Variants in MACROD1 observed in about 807,000 individuals in gnomAD.
MACROD1 encodes ADP-ribose glycohydrolase MACROD1.
A neutral mutation model predicts 41.4 loss-of-function variants in MACROD1; 31 were observed. The ratio of observed to expected loss-of-function variants is 0.75; its 90% confidence interval spans 0.56 to 1.01. The LOEUF is 1.01. Among genes scored for constraint, MACROD1 ranks in the 50% least tolerant of loss-of-function variants. The probability of loss-of-function intolerance (pLI) is 0.00; values close to 1 mark genes in which losing one functional copy is unlikely to be tolerated. For synonymous variants in MACROD1, 252 were observed against 203.4 expected (o/e 1.24, Z -2.03); for missense variants, 473 against 460.0 (o/e 1.03, Z -0.26).
chr11:64,016,406 G>A (rs767643288), intron 3 of MACROD1, among the ~76,000 whole-genome samples: 23 of 152,382 alleles, frequency 1.5e-4, no homozygotes, highest in South Asian at 6.2e-4. Flanking sequence ...CCCCTCTGCC[G>A]AGGAGTCCTG....
intron 3 of MACROD1, among the ~76,000 whole-genome samples, chr11:64,115,679 A>G (rs1228522374): frequency 6.6e-6 from 1 of 152,084 alleles, no homozygotes; most frequent in Non-Finnish European, 1.5e-5. Flanking sequence ...CCCCCTTTTG[A>G]GCTCCTGGGC....
In MACROD1 at chr11:64,067,418, A is replaced by G. The variant is rs945127209; in HGVS notation, c.518-52137T>C. ...ATTCAATACCTGAGCCTTTCAGCTC[A>G]CAAATCATGCCCCCGGCCCAGGTGA... On this transcript the variant is annotated intron_variant, in intron 3 of 10. Transcript: ENST00000255681. This position sits in a 1 kb window ranked among gnomAD's most constrained non-coding sequence, Gnocchi z 4.6. Among the ~76,000 whole-genome samples, 1 of 152,186 alleles carries G rather than the reference A, an allele frequency of 6.6e-6. No individual in the cohort carries two copies. The highest frequency in any genetic ancestry group is 1.5e-5 in the Non-Finnish European group (1 of 68,014).
intron 3 of MACROD1, among the ~76,000 whole-genome samples, chr11:64,114,371 G>T (rs1028402902): frequency 1.3e-5 from 2 of 148,750 alleles, no homozygotes; most frequent in African/African-American, 4.9e-5. Context: ...ACAGGTGCAT[G>T]TATGAATGGA....
At position 64,096,808 on chromosome 11, in the gene MACROD1, G is replaced by A. The variant is rs1325979582; in HGVS notation, c.517+54431C>T. Among the ~76,000 whole-genome samples, 1 of 152,166 alleles carries A rather than the reference G, an allele frequency of 6.6e-6. No homozygotes were observed. The highest frequency in any genetic ancestry group is 6.5e-5 in the Admixed American group (1 of 15,288). ...GAGGGGAAGAGGGCAGGCCTGTGGG[G>A]GGCTGCCGTGTCCCCATACCCTCCA... On this transcript the variant is annotated intron_variant, in intron 3 of 10. Transcript: ENST00000255681. This position sits in a 1 kb window ranked among gnomAD's most constrained non-coding sequence, Gnocchi z 4.6.
chr11:64,093,143 T>A (rs941307877), intron 3 of MACROD1, among the ~76,000 whole-genome samples: 1 of 152,166 alleles, frequency 6.6e-6, no homozygotes, highest in Admixed American at 6.5e-5. Flanking sequence ...AAAATTGGAA[T>A]GGTAATAACA....
chr11:64,003,535 G>C (rs1187005889), intron 4 of MACROD1, among the ~76,000 whole-genome samples: 1 of 152,146 alleles, frequency 6.6e-6, no homozygotes, highest in African/African-American at 2.4e-5. Flanking sequence ...GTCTTGCTAT[G>C]TTGCCCTGCC....
intron 3 of MACROD1, among the ~76,000 whole-genome samples, chr11:64,133,729 T>C (rs1945296411): frequency 6.6e-6 from 1 of 152,202 alleles, no homozygotes; most frequent in South Asian, 2.1e-4. Flanking sequence ...TCCCCTGGGA[T>C]CCGGTCATGA....
chr11:64,006,715 G>A (rs1004865513), intron 4 of MACROD1, among the ~76,000 whole-genome samples: 2 of 152,198 alleles, frequency 1.3e-5, no homozygotes, highest in African/African-American at 4.8e-5. Flanking sequence ...CACGGGACAG[G>A]GGCCCCAAGT....
chr11:64,148,882 CA>C (rs1945534265), intron 3 of MACROD1: 1 of 985,428 alleles, frequency 1.0e-6, no homozygotes, highest in South Asian at 4.7e-5. Flanking sequence ...GAGGCCTGAC[CA>C]GTGCCAAAGC....
chr11:64,062,674 A>G (rs750600263), intron 3 of MACROD1, among the ~76,000 whole-genome samples: 19 of 152,208 alleles, frequency 1.2e-4, no homozygotes, highest in Non-Finnish European at 2.1e-4. Flanking sequence ...AAGGTTTCTC[A>G]GGGAAGCCAG....
chr11:64,086,736 C>T (rs1033338188), intron 3 of MACROD1, among the ~76,000 whole-genome samples: 4 of 152,160 alleles, frequency 2.6e-5, no homozygotes, highest in African/African-American at 9.7e-5. Flanking sequence ...CTCGTGCTCA[C>T]AGTACAGAGA....
chr11:64,103,615 A>C (rs1051385540), intron 3 of MACROD1: 4 of 151,890 alleles, frequency 2.6e-5, no homozygotes, highest in African/African-American at 9.7e-5. Flanking sequence ...GTAAACAAAA[A>C]GGGGGTAAAA....
intron 3 of MACROD1, among the ~76,000 whole-genome samples, chr11:64,042,149 C>G (rs916411297): frequency 6.6e-6 from 1 of 152,172 alleles, no homozygotes; most frequent in Non-Finnish European, 1.5e-5. Flanking sequence ...ACGCTCACAC[C>G]TCTGGTGGGC....
At position 64,036,644 on chromosome 11, in the gene MACROD1, G is replaced by A. The variant is rs1408592610; in HGVS notation, c.518-21363C>T. The stretch of plus-strand genomic sequence containing the variant: ...CCACCAGCCGCGTGAGTCACGGTTG[G>A]AGCGAGGTTTTATTTTTAAAACGAC... On this transcript the variant is annotated intron_variant, in intron 3 of 10. Coordinates refer to ENST00000255681, the MANE Select transcript of MACROD1 (RefSeq NM_014067.4). The surrounding 1 kb of genome is among the most constrained non-coding windows in gnomAD (Gnocchi z 5.6). Among the ~76,000 whole-genome samples the A allele has an allele frequency of 6.6e-6, 1 of 152,194 alleles. No homozygotes were observed. Among genetic ancestry groups the A allele is most frequent in the African/African-American group, 2.4e-5 (1 of 41,468 alleles).
chr11:64,113,705 G>A (rs567014947), intron 3 of MACROD1, among the ~76,000 whole-genome samples: 4 of 149,176 alleles, frequency 2.7e-5, no homozygotes, highest in Non-Finnish European at 3.0e-5. Context: ...ATGGATGGAC[G>A]GACAGGTGGA....
At chr11:64,091,696 T>C (rs1944493972) in intron 3 of MACROD1, among the ~76,000 whole-genome samples, 2 of 152,250 alleles carry the variant, frequency 1.3e-5, no homozygotes, top group South Asian at 2.1e-4. Context: ...GCTGCTGAAG[T>C]TGCACGAGGG....
chr11:64,127,542 C>T (rs928301401), intron 3 of MACROD1, among the ~76,000 whole-genome samples: 2 of 152,234 alleles, frequency 1.3e-5, no homozygotes, highest in Admixed American at 6.5e-5. Flanking sequence ...CTGTTCCCTC[C>T]GGCACCATCC....
chr11:64,037,590 G>A (rs1355470276), intron 3 of MACROD1, among the ~76,000 whole-genome samples: 1 of 152,178 alleles, frequency 6.6e-6, no homozygotes, highest in Non-Finnish European at 1.5e-5. Context: ...GGTGTGAGGG[G>A]CAGGAAGAGC....
chr11:63,999,825 C>T, intron 5 of MACROD1, 62 bp from the exon 6 acceptor site: 2 of 1,543,724 alleles, frequency 1.3e-6, no homozygotes, highest in Non-Finnish European at 1.7e-6. Flanking sequence ...CCCTCGCTTC[C>T]CCCTGCCGGC....
Sources: gnomAD v4.1 joint callset for allele counts (sites outside exome capture counted in the v4.1 genomes callset) on GRCh38, gnomAD v4.1.1 for gene constraint, Gnocchi (gnomAD v3.1) non-coding constraint, MANE v1.5 for transcripts, NCBI Gene and HGNC (gene_info 2026-07-23, HGNC 2026-07-21) for gene names.